The following APOB variants were observed in gnomAD, a reference collection of about 807,000 sequenced individuals.
APOB encodes the protein apolipoprotein B.
Under a neutral mutation model 314.1 loss-of-function variants are expected in APOB, and 153 were observed. The ratio of observed to expected loss-of-function variants is 0.49; its 90% CI spans 0.43 to 0.56. APOB has a LOEUF of 0.56. Ranked by LOEUF, APOB falls within the 20% of genes least tolerant of loss-of-function variation. APOB has a pLI of 0.00. For synonymous variants in APOB, 2,087 were observed against 2,036.4 expected (o/e 1.02, Z -0.67); for missense variants, 5,430 against 5,350.7 (o/e 1.01, Z -0.46).
At position 21,008,506 on chromosome 2, in the gene APOB, C is replaced by T; in HGVS notation, c.8362G>A (p.Gly2788Ser). 1.2e-6 allele frequency: 2 copies of T among 1,614,060 alleles called. No homozygotes were observed. The highest frequency in any genetic ancestry group is 2.2e-5 in the South Asian group (2 of 91,078). ...GNGTTSANEA[G>S]IAASITAKGE... ...TTGGCAGTGATGGAAGCTGCGATACCTGCTTCGTTTGCTGAGGTGGTTCCA... is the reference window on the plus strand; with the variant it reads ...TTGGCAGTGATGGAAGCTGCGATACTTGCTTCGTTTGCTGAGGTGGTTCCA... The change falls in exon 26 of 29, where the codon GGT becomes AGT. Residue 2788 changes from glycine (G) to serine (S), a missense_variant. Gly to Ser is a moderately conservative substitution (Grantham distance 56, BLOSUM62 0). Coordinates refer to ENST00000233242, the MANE Select transcript of APOB (RefSeq NM_000384.3).
intron 3 of APOB, among the ~76,000 whole-genome samples, chr2:21,041,458 G>A (rs1019453802): frequency 6.6e-6 from 1 of 152,146 alleles, no homozygotes; most frequent in African/African-American, 2.4e-5. Flanking sequence ...GCAGGAAGAG[G>A]GCCATCCTTC....
intron 12 of APOB, 54 bp downstream of exon 12, chr2:21,029,585 T>C: frequency 6.3e-7 from 1 of 1,598,950 alleles, no homozygotes; most frequent in South Asian, 1.1e-5. Context: ...CCTAGTACCT[T>C]CCAAATCCTT....
Position 21,007,165 on chromosome 2 carries a change from C to T in APOB, c.9703G>A (p.Ala3235Thr). The T allele has an allele frequency of 6.2e-7, 1 of 1,613,872 alleles. No homozygotes were observed. The highest frequency in any genetic ancestry group is 8.5e-7 in the Non-Finnish European group (1 of 1,179,920). ...ETKIKFDKYK[A>T]EKSHDELPRT... ...GGGAGCTCGTCGTGAGATTTTTCAG[C>T]TTTGTACTTATCAAACTTAATTTTT... Residue 3235 changes from alanine to threonine, a missense_variant, in exon 26 of 29, where the codon GCT becomes ACT. By Grantham distance (58) the Ala-to-Thr change is moderately conservative. This residue lies in a region of APOB where 3,281 missense variants were observed against 3,171.0 expected (regional missense o/e 1.03). Coordinates refer to ENST00000233242, the MANE Select transcript of APOB (RefSeq NM_000384.3).
chr2:21,026,446 C>T (rs1663733149), intron 15 of APOB, among the ~76,000 whole-genome samples: 1 of 151,988 alleles, frequency 6.6e-6, no homozygotes, highest in Admixed American at 6.6e-5. Flanking sequence ...GACGGGGTTT[C>T]AGTATGTTGG....
chr2:21,020,483 T>A (rs577504150), intron 18 of APOB, among the ~76,000 whole-genome samples: 1 of 152,322 alleles, frequency 6.6e-6, no homozygotes, highest in South Asian at 2.1e-4. Context: ...CTTTCATCAA[T>A]GTCTCTAATG....
intron 15 of APOB, 82 bp downstream of exon 15, chr2:21,026,706 G>T: frequency 8.7e-7 from 1 of 1,150,074 alleles, no homozygotes; most frequent in South Asian, 1.2e-5. Context: ...ATAGTATTTT[G>T]AGGACTTCCA....
At chr2:21,042,739 A>G (rs1015353219) in intron 2 of APOB, among the ~76,000 whole-genome samples, 4 of 151,990 alleles carry the variant, frequency 2.6e-5, no homozygotes, top group Non-Finnish European at 1.5e-5. Flanking sequence ...GTGTCAAGTA[A>G]TGGGGCTCAG....
intron 7 of APOB, among the ~76,000 whole-genome samples, chr2:21,035,375 C>A (rs1235767686): frequency 6.6e-6 from 1 of 152,106 alleles, no homozygotes; most frequent in Non-Finnish European, 1.5e-5. Flanking sequence ...TCTTAGATAT[C>A]TTTTGTTGGT....
chr2:21,009,963 C>T lies in APOB; in HGVS notation c.6905G>A (p.Gly2302Glu). 1 of 1,613,616 alleles carries T rather than the reference C, an allele frequency of 6.2e-7. No homozygotes were observed. Among genetic ancestry groups the T allele is most frequent in the Non-Finnish European group, 8.5e-7 (1 of 1,179,772 alleles). Residue 2302 changes from glycine (G) to glutamate (E), a missense_variant, in exon 26 of 29, where the codon GGA becomes GAA. Physicochemically the swap from Gly to Glu is moderately conservative, Grantham distance 98. Coordinates refer to ENST00000233242, the MANE Select transcript of APOB (RefSeq NM_000384.3). The part of the protein sequence containing the change: ...IDVRVLLDQL[G>E]TTISFERIND... The stretch of plus-strand genomic sequence containing the variant: ...TATTCTTTCAAATGAAATTGTAGTT[C>T]CCAATTGATCTAAAAGCACTCTAAC...
Position 21,009,462 on chromosome 2 carries a change from A to C in APOB, c.7406T>G (p.Phe2469Cys), listed in dbSNP as rs1290149570. 2 of 1,614,008 alleles carry C rather than the reference A, an allele frequency of 1.2e-6. No homozygotes were observed. Among genetic ancestry groups the C allele is most frequent in the African/African-American group, 1.3e-5 (1 of 75,006 alleles). The change falls in exon 26 of 29, where the codon TTT becomes TGT. Residue 2469 changes from phenylalanine (F) to cysteine (C), a missense_variant. Phe to Cys is a radical substitution (Grantham distance 205). Coordinates refer to ENST00000233242, the MANE Select transcript of APOB (RefSeq NM_000384.3). The stretch of plus-strand genomic sequence containing the variant: ...AACTGTGGCCTTGGTTTCCTCTAAA[A>C]ACAGTTTTAATGCTTCAGCTTTTTG... ...LPQKAEALKL[F>C]LEETKATVAV...
Position 21,002,558 on chromosome 2 carries a change from C to T in APOB, c.12864G>A (p.Gln4288=), listed in dbSNP as rs1572775059. The T allele has an allele frequency of 1.2e-6, 2 of 1,613,900 alleles. No homozygotes were observed. Among genetic ancestry groups the T allele is most frequent in the Non-Finnish European group, 1.7e-6 (2 of 1,179,934 alleles). ...GTAGCACCTCTGTGGTCTTGAGAGA[C>T]TGAATGGCTTTAAATACCTCTTGGG... is the stretch of plus-strand genomic sequence containing the variant. ...KEAQEVFKAI[Q]SLKTTEVLRN... Residue 4288 remains glutamine, a synonymous_variant, in exon 29 of 29, where the codon CAG becomes CAA. Coordinates refer to ENST00000233242, the MANE Select transcript of APOB (RefSeq NM_000384.3).
Position 21,008,734 on chromosome 2 carries a change from G to A in APOB, c.8134C>T (p.Arg2712Cys), listed in dbSNP as rs372245645. 191 of 1,613,922 alleles carry A rather than the reference G, an allele frequency of 1.2e-4. 1 individual carries two copies. The highest frequency in any genetic ancestry group is 3.3e-4 in the Middle Eastern group (2 of 6,082). ...TCTGGAATTGCGATTTCTGGTAAAC[G>A]GAAGTCTGGCAGGGTGATTCTCGCT... ...PLARITLPDFRLPEIAIPEFI... is the reference protein window; with the variant it reads ...PLARITLPDFCLPEIAIPEFI... The change falls in exon 26 of 29, where the codon CGT becomes TGT. Residue 2712 changes from arginine (R) to cysteine (C), a missense_variant. Physicochemically the swap from Arg to Cys is radical, Grantham distance 180 (BLOSUM62 -3). Around this residue, in one of 3 missense-constraint regions of APOB, gnomAD observed 3,281 missense variants for 3,171.0 expected, o/e 1.03. Coordinates refer to ENST00000233242, the MANE Select transcript of APOB (RefSeq NM_000384.3).
At position 21,010,717 on chromosome 2, in the gene APOB, C is replaced by G. The variant is rs765661773; in HGVS notation, c.6151G>C (p.Glu2051Gln). 27 of 1,613,952 alleles carry G rather than the reference C, an allele frequency of 1.7e-5. No homozygotes were observed. The highest frequency in any genetic ancestry group is 1.2e-5 in the Non-Finnish European group (14 of 1,179,912). ...TTTACAAAAGCAACAATTGTAAATT[C>G]TTGGGGCTTCTCAACGGCATCTCTC... ...EMRDAVEKPQEFTIVAFVKYD... is the reference protein window; with the variant it reads ...EMRDAVEKPQQFTIVAFVKYD... Residue 2051 changes from glutamate to glutamine, a missense_variant, in exon 26 of 29, where the codon GAA becomes CAA. Coordinates refer to ENST00000233242, the MANE Select transcript of APOB (RefSeq NM_000384.3).
At chr2:21,043,471 G>T (rs765763812) in intron 2 of APOB, 42 bp downstream of exon 2, 1 of 1,580,526 alleles carries the variant, frequency 6.3e-7, no homozygotes, top group South Asian at 1.2e-5. Context: ...GAGAGTGCAC[G>T]GGGCTGGGCG....
In APOB at chr2:21,005,787, G is replaced by A. The variant is rs1041991285; in HGVS notation, c.11081C>T (p.Thr3694Ile). Residue 3694 changes from threonine (T) to isoleucine (I), a missense_variant, in exon 26 of 29, where the codon ACC becomes ATC. Physicochemically the swap from Thr to Ile is moderately conservative, Grantham distance 89. Transcript: ENST00000233242. ...LWDFLKLDVT[T>I]SIGRRQHLRV... The stretch of plus-strand genomic sequence containing the variant: ...AAGATGCTGTCTCCTACCAATGCTG[G>A]TGGTTACATCCAGCTTTAGGAAATC... The A allele has an allele frequency of 1.2e-6, 2 of 1,613,880 alleles. No individual in the cohort carries two copies. Among genetic ancestry groups the A allele is most frequent in the African/African-American group, 1.3e-5 (1 of 74,896 alleles).
At chr2:21,043,151 C>T (rs1255737213) in intron 2 of APOB, among the ~76,000 whole-genome samples, 6 of 151,338 alleles carry the variant, frequency 4.0e-5, no homozygotes, top group Admixed American at 2.6e-4. Context: ...GGTGGAGGTT[C>T]GATTTCTTCA....
chr2:21,002,656 C>T lies in APOB; in HGVS notation c.12766G>A (p.Glu4256Lys), dbSNP rs61743313. The T allele has an allele frequency of 3.6e-4, 576 of 1,613,590 alleles. 1 individual carries two copies. The African/African-American group carries it at 6.8e-3, about 19-fold the overall frequency. Reference protein sequence around the residue: ...FQDLVITLPFELRKHKLIDVI... With the variant: ...FQDLVITLPFKLRKHKLIDVI... ...TCTATTAGTTTATGTTTCCTTAACT[C>T]GAAAGGAAGTGTAATCACTAGGTCT... The change falls in exon 29 of 29, where the codon GAG becomes AAG. Residue 4256 changes from glutamate to lysine, a missense_variant. By Grantham distance (56) the Glu-to-Lys change is moderately conservative. Transcript: ENST00000233242.
At chr2:21,033,248 C>T in intron 9 of APOB, 51 bp downstream of exon 9, 1 of 1,470,724 alleles carries the variant, frequency 6.8e-7, no homozygotes, top group Non-Finnish European at 9.5e-7. Context: ...TTTGAAAGTT[C>T]AGTCAGTTAC....
chr2:21,009,997 C>T lies in APOB; in HGVS notation c.6871G>A (p.Ala2291Thr), dbSNP rs1663261883. 6.2e-7 allele frequency: 1 copy of T among 1,613,724 alleles called. No individual in the cohort carries two copies. The highest frequency in any genetic ancestry group is 8.5e-7 in the Non-Finnish European group (1 of 1,179,910). Residue 2291 changes from alanine to threonine, a missense_variant, in exon 26 of 29, where the codon GCT becomes ACT. Ala to Thr is a moderately conservative substitution (Grantham distance 58, BLOSUM62 0). This residue lies in a region of APOB where 3,281 missense variants were observed against 3,171.0 expected (regional missense o/e 1.03). Transcript: ENST00000233242. Reference sequence around the variant, plus strand: ...TCTAAAAGCACTCTAACATCAATAGCCTCAATGTGTTGTTTTAACTTTCCA... The same window carrying T: ...TCTAAAAGCACTCTAACATCAATAGTCTCAATGTGTTGTTTTAACTTTCCA... The part of the protein sequence containing the change: ...LAGKLKQHIE[A>T]IDVRVLLDQL...
Sources: gnomAD v4.1 joint callset for allele counts (sites outside exome capture counted in the v4.1 genomes callset) on GRCh38, gnomAD v4.1.1 for gene constraint, gnomAD v4.1.1 regional missense constraint, MANE v1.5 for transcripts, NCBI Gene and HGNC (gene_info 2026-07-23, HGNC 2026-07-21) for gene names.